The following WDR41 variants were observed in gnomAD, a reference collection of about 807,000 sequenced individuals.
WDR41 encodes the protein WD repeat domain 41.
A neutral mutation model predicts 69.3 loss-of-function variants in WDR41; 63 were observed. That is an observed-to-expected ratio of 0.91 (90% CI 0.74 to 1.12). WDR41 has a LOEUF of 1.12. Among genes scored for constraint, WDR41 ranks in the 50% most tolerant of loss-of-function variants. The pLI, the probability that WDR41 is intolerant of heterozygous loss-of-function variation, is 0.00. For missense variants in WDR41, 543 were observed against 534.5 expected, an observed-to-expected ratio of 1.02 and a Z score of -0.16; for synonymous variants, 185 against 192.1, an observed-to-expected ratio of 0.96 and a Z score of 0.31.
At chr5:77,533,017 T>C (rs970776385) in intron 1 of WDR41, among the ~76,000 whole-genome samples, 1 of 152,182 alleles carries the variant, frequency 6.6e-6, no homozygotes, top group Non-Finnish European at 1.5e-5. Context: ...TATTTCACAA[T>C]TTTTAAAAGT....
At chr5:77,458,150 A>C (rs1340692621) in intron 5 of WDR41, among the ~76,000 whole-genome samples, 3 of 152,170 alleles carry the variant, frequency 2.0e-5, no homozygotes, top group Admixed American at 6.5e-5. Flanking sequence ...TAATCAAATC[A>C]ATACTTTTTA....
Position 77,433,154 on chromosome 5 carries a change from T to C in WDR41, c.1361A>G (p.Asp454Gly). The C allele has an allele frequency of 1.2e-6, 2 of 1,613,322 alleles. No individual in the cohort carries two copies. Among genetic ancestry groups the C allele is most frequent in the East Asian group, 2.2e-5 (1 of 44,846 alleles). The change falls in exon 13 of 13, where the codon GAC (aspartate) becomes GGC (glycine). Residue 454 changes from aspartate (D) to glycine (G), a missense_variant. By Grantham distance (94) the Asp-to-Gly change is moderately conservative (BLOSUM62 -1). Coordinates refer to ENST00000296679, the MANE Select transcript of WDR41 (RefSeq NM_018268.4). ...CTTAAACTAGACAGCAAGGTATAAG[T>C]CACCATTCTCCTCTAATTTTTGAAA... Reference protein sequence around the residue: ...RLFQKLEENGDLYLAV With the variant: ...RLFQKLEENGGLYLAV
intron 1 of WDR41, among the ~76,000 whole-genome samples, chr5:77,569,247 T>C (rs1743689069): frequency 6.6e-6 from 1 of 152,096 alleles, no homozygotes; most frequent in Non-Finnish European, 1.5e-5. Context: ...AAAAAATAAA[T>C]CATAATAAAA....
At chr5:77,451,669 T>C (rs773488969) in intron 6 of WDR41, 22 of 222,762 alleles carry the variant, frequency 9.9e-5, no homozygotes, top group Middle Eastern at 1.8e-3. Context: ...CTTAAGATAA[T>C]CACCATCACC....
chr5:77,481,458 G>A (rs1253918094), intron 2 of WDR41, among the ~76,000 whole-genome samples: 1 of 152,122 alleles, frequency 6.6e-6, no homozygotes, highest in Non-Finnish European at 1.5e-5. Flanking sequence ...GACTCAGGGT[G>A]AAGTGTTAAG....
At chr5:77,501,753 G>A (rs1222705358) in intron 1 of WDR41, among the ~76,000 whole-genome samples, 1 of 152,066 alleles carries the variant, frequency 6.6e-6, no homozygotes, top group Non-Finnish European at 1.5e-5. Flanking sequence ...GGTCTGGAGT[G>A]GACCTCCAGC....
At chr5:77,497,839 T>A (rs888191387) in intron 1 of WDR41, among the ~76,000 whole-genome samples, 1 of 152,128 alleles carries the variant, frequency 6.6e-6, no homozygotes, top group African/African-American at 2.4e-5. Flanking sequence ...GCCGGAGACA[T>A]CCCAAGTGTC....
intron 12 of WDR41, among the ~76,000 whole-genome samples, chr5:77,433,933 CAG>C (rs899105244): frequency 9.9e-5 from 15 of 152,270 alleles, no homozygotes; most frequent in African/African-American, 2.6e-4. Context: ...AATAGGAAAA[CAG>C]AGTGTTGACA....
intron 1 of WDR41, among the ~76,000 whole-genome samples, chr5:77,508,560 A>G (rs114030773): frequency 0.015 from 2,352 of 152,312 alleles, 62 homozygotes; most frequent in African/African-American, 0.052. Flanking sequence ...ATTAAATCCA[A>G]GATCTGGACC....
At position 77,557,999 on chromosome 5, in the gene WDR41, A is replaced by T. The variant is rs1743440522; in HGVS notation, c.42+62480T>A. Among the ~76,000 whole-genome samples, 3 of 151,950 alleles carry T rather than the reference A, an allele frequency of 2.0e-5. No homozygotes were observed. In the South Asian group the frequency reaches 6.2e-4, roughly 31 times the overall value. On this transcript the variant is annotated intron_variant, in intron 1 of 5. Transcript: ENST00000509971. ...GAAAAAATGTGGCAATGCAGTGAGT[A>T]AGAACAAGCAAATAAAAACCCCACG...
chr5:77,559,342 G>C (rs1195764922), intron 1 of WDR41, among the ~76,000 whole-genome samples: 1 of 152,134 alleles, frequency 6.6e-6, no homozygotes, highest in Non-Finnish European at 1.5e-5. Flanking sequence ...TAATTAGAAA[G>C]TGATGTTTTT....
chr5:77,560,337 T>C (rs1226907161), intron 1 of WDR41, among the ~76,000 whole-genome samples: 1 of 152,216 alleles, frequency 6.6e-6, no homozygotes, highest in East Asian at 1.9e-4. Context: ...ATCTGCTTTA[T>C]AAATCAGCTA....
upstream of WDR41, among the ~76,000 whole-genome samples, chr5:77,492,969 C>T (rs897660064): frequency 6.6e-6 from 1 of 152,316 alleles, no homozygotes; most frequent in East Asian, 1.9e-4. Flanking sequence ...GCTATATTAA[C>T]ATAGAATCTC....
intron 1 of WDR41, among the ~76,000 whole-genome samples, chr5:77,522,746 G>C (rs73765349): frequency 0.16 from 24,644 of 152,030 alleles, 3,245 homozygotes; most frequent in African/African-American, 0.35. Flanking sequence ...TCCAAAGGGG[G>C]CAACTATAAA....
At chr5:77,596,356 C>T (rs1219908776) in intron 1 of WDR41, among the ~76,000 whole-genome samples, 1 of 152,080 alleles carries the variant, frequency 6.6e-6, no homozygotes, top group Non-Finnish European at 1.5e-5. Flanking sequence ...CCATGTTGGC[C>T]AGGATGGTCT....
chr5:77,477,153 G>A (rs1581746780), intron 2 of WDR41, among the ~76,000 whole-genome samples: 1 of 147,570 alleles, frequency 6.8e-6, no homozygotes, highest in Non-Finnish European at 1.5e-5. Flanking sequence ...ACCCAATACA[G>A]GAGCACCCAG....
At chr5:77,535,206 T>A (rs950948491) in intron 1 of WDR41, among the ~76,000 whole-genome samples, 1 of 152,204 alleles carries the variant, frequency 6.6e-6, no homozygotes, top group African/African-American at 2.4e-5. Flanking sequence ...TTATGTTCTA[T>A]GCTTGCTGTG....
intron 1 of WDR41, among the ~76,000 whole-genome samples, chr5:77,543,453 A>T (rs561839334): frequency 1.3e-5 from 2 of 151,580 alleles, no homozygotes; most frequent in African/African-American, 4.8e-5. Flanking sequence ...TAGCATAAAT[A>T]AAAAAACAAT....
chr5:77,439,466 T>C (rs563843698), intron 9 of WDR41, among the ~76,000 whole-genome samples: 15 of 152,314 alleles, frequency 9.8e-5, no homozygotes, highest in African/African-American at 3.4e-4. Flanking sequence ...TGCTAGCCAA[T>C]GTACTAAAAT....
Sources: gnomAD v4.1 joint callset for allele counts (sites outside exome capture counted in the v4.1 genomes callset) on GRCh38, gnomAD v4.1.1 for gene constraint, MANE v1.5 for transcripts, NCBI Gene and HGNC (gene_info 2026-07-23, HGNC 2026-07-21) for gene names.